STAM: variants seen among roughly 807,000 people sequenced by gnomAD.
STAM encodes the protein signal transducing adaptor molecule.
In STAM, 16 loss-of-function variants were observed where a neutral mutation model predicts 63.4. The ratio of observed to expected loss-of-function variants is 0.25; its 90% CI spans 0.17 to 0.38. The LOEUF is 0.38. Ranked by LOEUF, STAM falls within the 10% of genes least tolerant of loss-of-function variation. The pLI is 1.00. For missense variants in STAM, 636 were observed against 657.1 expected, an observed-to-expected ratio of 0.97 and a Z score of 0.35; for synonymous variants, 238 against 223.9, an observed-to-expected ratio of 1.06 and a Z score of -0.56.
intron 2 of STAM, among the ~76,000 whole-genome samples, chr10:17,680,866 G>A (rs541360200): frequency 2.6e-5 from 4 of 152,152 alleles, no homozygotes; most frequent in African/African-American, 4.8e-5. Context: ...CCATTTATGC[G>A]TCTGTGGACA....
In STAM at chr10:17,716,167, G is replaced by A. The variant is rs1261575773; in HGVS notation, c.*1387G>A. On this transcript the variant is annotated 3_prime_UTR_variant, in exon 14 of 14. Transcript: ENST00000377524. ...GCACTATTTAAACAACGGAAAAGTT[G>A]AGTCGAACATCATATTTAATGAATT... Among the ~76,000 whole-genome samples, 1 of 152,072 alleles carries A rather than the reference G, an allele frequency of 6.6e-6. No homozygotes were observed. Among genetic ancestry groups the A allele is most frequent in the East Asian group, 1.9e-4 (1 of 5,200 alleles).
chr10:17,695,276 A>C (rs782005670), intron 7 of STAM, 35 bp downstream of exon 7: 2 of 1,581,478 alleles, frequency 1.3e-6, no homozygotes, highest in Non-Finnish European at 1.7e-6. Context: ...TTTGTATGAA[A>C]GTGTGTATGG....
At chr10:17,678,750 C>G (rs116205402) in intron 2 of STAM, among the ~76,000 whole-genome samples, 1 of 152,148 alleles carries the variant, frequency 6.6e-6, no homozygotes, top group Non-Finnish European at 1.5e-5. Flanking sequence ...CATCATCCCA[C>G]GTAGAAACTC....
In STAM at chr10:17,715,448, A is replaced by G. The variant is rs1284627186; in HGVS notation, c.*668A>G. The G allele has an allele frequency of 6.6e-6, 1 of 152,358 alleles. No homozygotes were observed. The highest frequency in any genetic ancestry group is 1.5e-5 in the Non-Finnish European group (1 of 68,144). The allele number at this position is 152,358 out of a possible 1,614,324, so 9.4% of individuals were successfully genotyped here. A position where few individuals can be genotyped will look rare whatever the true frequency, so the allele number is the denominator to read the frequency against. On this transcript the variant is annotated 3_prime_UTR_variant, in exon 14 of 14. Transcript: ENST00000377524. ...CTACATGTCTTTCTGTAGCCTCTGCATACTACTGGCTGTCATCACACCAGC... is the reference window on the plus strand; with the variant it reads ...CTACATGTCTTTCTGTAGCCTCTGCGTACTACTGGCTGTCATCACACCAGC...
chr10:17,660,641 C>T (rs10795500), intron 2 of STAM, 93 bp downstream of exon 2: 98,628 of 880,742 alleles, frequency 0.11, 7,494 homozygotes, highest in East Asian at 0.29. Flanking sequence ...GGCCCAGCCC[C>T]TCGGTAGGAT....
At chr10:17,654,313 C>T (rs926844061) in intron 1 of STAM, among the ~76,000 whole-genome samples, 2 of 152,114 alleles carry the variant, frequency 1.3e-5, no homozygotes, top group Non-Finnish European at 2.9e-5. Flanking sequence ...AGCTCCACCT[C>T]CCAGGTTCAC....
At chr10:17,660,121 G>C (rs1347124010) in intron 1 of STAM, among the ~76,000 whole-genome samples, 1 of 151,602 alleles carries the variant, frequency 6.6e-6, no homozygotes, top group Non-Finnish European at 1.5e-5. Flanking sequence ...AGATTTACTA[G>C]CAAGTAAATA....
chr10:17,712,361 A>G (rs782553455), intron 13 of STAM, among the ~76,000 whole-genome samples: 4 of 152,170 alleles, frequency 2.6e-5, no homozygotes, highest in African/African-American at 7.2e-5. Context: ...AGCCCATACC[A>G]TTGTCAATAA....
intron 1 of STAM, among the ~76,000 whole-genome samples, chr10:17,659,072 T>C (rs1834057719): frequency 6.6e-6 from 1 of 152,158 alleles, no homozygotes; most frequent in Non-Finnish European, 1.5e-5. Flanking sequence ...CATGATTCCA[T>C]TTTATCTCCT....
intron 2 of STAM, among the ~76,000 whole-genome samples, chr10:17,668,802 C>T (rs1224054686): frequency 5.3e-5 from 8 of 152,136 alleles, no homozygotes; most frequent in African/African-American, 1.9e-4. Flanking sequence ...TAGTTCATTT[C>T]TTCTTATTGC....
chr10:17,676,122 A>T (rs61842300), intron 2 of STAM, among the ~76,000 whole-genome samples: 2,910 of 152,328 alleles, frequency 0.019, 30 homozygotes, highest in Middle Eastern at 0.027. Context: ...AGAAAGGTCT[A>T]TTGCAAAAGA....
chr10:17,657,710 G>C (rs1307235422), intron 1 of STAM, among the ~76,000 whole-genome samples: 1 of 152,074 alleles, frequency 6.6e-6, no homozygotes, highest in African/African-American at 2.4e-5. Flanking sequence ...TCAAGGCATT[G>C]GTCCATTTCA....
At chr10:17,696,596 T>C (rs1835768759) in intron 7 of STAM, 179 bp from the exon 8 acceptor site, 1 of 551,384 alleles carries the variant, frequency 1.8e-6, no homozygotes, top group African/African-American at 1.9e-5. Context: ...GTTGAATAGC[T>C]TCTTACCTTT....
chr10:17,672,460 T>G (rs1554824182), intron 2 of STAM, among the ~76,000 whole-genome samples: 1 of 152,220 alleles, frequency 6.6e-6, no homozygotes, highest in Non-Finnish European at 1.5e-5. Context: ...TCCTCAGATT[T>G]TTTCCCAAAA....
intron 8 of STAM, among the ~76,000 whole-genome samples, chr10:17,697,950 C>T (rs1003354701): frequency 6.6e-6 from 1 of 151,928 alleles, no homozygotes; most frequent in Non-Finnish European, 1.5e-5. Flanking sequence ...AAATCTTTGT[C>T]CTGGTCATCT....
rs1836416888 is a variant in STAM, at chr10:17,708,815, G to T, written c.1249G>T (p.Ala417Ser). ...GPPPSGAYLV[A>S]GNAQMSHLQS... ...TCCTCCAAGTGGTGCCTACCTGGTT[G>T]CAGGGAACGCGCAGATGAGCCACCT... The change falls in exon 13 of 14, where the codon GCA (alanine) becomes TCA (serine). Residue 417 changes from alanine (A) to serine (S), a missense_variant. Physicochemically the swap from Ala to Ser is moderately conservative, Grantham distance 99 (BLOSUM62 1). Around this residue, in one of 3 missense-constraint regions of STAM, gnomAD observed 532 missense variants for 536.9 expected, o/e 0.99. Transcript: ENST00000377524. The T allele has an allele frequency of 6.2e-7, 1 of 1,613,972 alleles. No individual in the cohort carries two copies. The highest frequency in any genetic ancestry group is 1.1e-5 in the South Asian group (1 of 91,066).
At chr10:17,691,546 T>C (rs954448301) in intron 5 of STAM, among the ~76,000 whole-genome samples, 5 of 152,074 alleles carry the variant, frequency 3.3e-5, no homozygotes, top group African/African-American at 9.7e-5. Context: ...GCCTGTGCAT[T>C]TGTTTGACAA....
chr10:17,674,580 T>C (rs1554824451), intron 2 of STAM, among the ~76,000 whole-genome samples: 2 of 152,140 alleles, frequency 1.3e-5, no homozygotes, highest in Admixed American at 1.3e-4. Context: ...GGGAGCATCC[T>C]AAGAGCTAGT....
chr10:17,693,855 G>A (rs1231527974), intron 6 of STAM, among the ~76,000 whole-genome samples: 1 of 151,974 alleles, frequency 6.6e-6, no homozygotes, highest in Admixed American at 6.6e-5. Context: ...GTTGGATCAT[G>A]GCATTGGTAC....
Sources: gnomAD v4.1 joint callset for allele counts (sites outside exome capture counted in the v4.1 genomes callset) on GRCh38, gnomAD v4.1.1 for gene constraint, gnomAD v4.1.1 regional missense constraint, MANE v1.5 for transcripts, NCBI Gene and HGNC (gene_info 2026-07-23, HGNC 2026-07-21) for gene names.